FLOT2: variants seen among roughly 807,000 people sequenced by gnomAD.
FLOT2 encodes flotillin-2.
FLOT2 carries 35 observed loss-of-function variants against 54.9 expected under a neutral mutation model. The observed-to-expected ratio is 0.64, with a 90% CI of 0.49 to 0.84. The LOEUF (loss-of-function observed/expected upper bound fraction) is 0.84. Ranked by LOEUF, FLOT2 falls within the 40% of genes least tolerant of loss-of-function variation. The pLI is 0.00. For missense variants in FLOT2, 464 were observed against 572.1 expected (o/e 0.81, Z 1.93); for synonymous variants, 207 against 228.9 (o/e 0.90, Z 0.86).
At chr17:28,886,099 C>A in intron 2 of FLOT2, 1 of 661,434 alleles carries the variant, frequency 1.5e-6, no homozygotes, top group South Asian at 1.7e-5. Context: ...CCCCAACTGC[C>A]AGCTCAGCCG....
chr17:28,892,165 T>G (rs1189707082), intron 1 of FLOT2, among the ~76,000 whole-genome samples: 4 of 151,986 alleles, frequency 2.6e-5, no homozygotes, highest in African/African-American at 9.7e-5. Context: ...ACCCAAACCA[T>G]CTCAGGATCA....
Position 28,880,605 on chromosome 17 carries a change from A to G in FLOT2, c.1249-6T>C. 1.6e-5 allele frequency: 26 copies of G among 1,614,114 alleles called. No homozygotes were observed. The highest frequency in any genetic ancestry group is 2.2e-5 in the Non-Finnish European group (26 of 1,180,010). The stretch of plus-strand genomic sequence containing the variant: ...GCCTTCTTGATCAGGGGTATCTGCA[A>G]GGATGGGAGATGCCATGAGACCTTG... On this transcript the variant is annotated splice_polypyrimidine_tract_variant and splice_region_variant and intron_variant, in intron 10 of 10. Transcript: ENST00000394908.
intron 8 of FLOT2, among the ~76,000 whole-genome samples, chr17:28,881,593 G>A (rs184479088): frequency 3.3e-5 from 5 of 152,326 alleles, no homozygotes; most frequent in Non-Finnish European, 7.4e-5. Flanking sequence ...TGCCGTCTAT[G>A]CCCAAGCACT....
chr17:28,879,513 T>C lies in FLOT2; in HGVS notation c.*1048A>G, dbSNP rs2039413347. 1 of 986,010 alleles carries C rather than the reference T, an allele frequency of 1.0e-6. No individual in the cohort carries two copies. Among genetic ancestry groups the C allele is most frequent in the Non-Finnish European group, 1.2e-6 (1 of 830,078 alleles). 61.1% of individuals were successfully genotyped at this position (986,010 alleles called of 1,614,324 possible). A position where few individuals can be genotyped will look rare whatever the true frequency, so the allele number is the denominator to read the frequency against. ...ATTCACAGCACCCCTGCCAAGACGC[T>C]TGGGTCCTGGGCTCTTCTGCCTCCA... On this transcript the variant is annotated 3_prime_UTR_variant, in exon 11 of 11. Coordinates refer to ENST00000394908, the MANE Select transcript of FLOT2 (RefSeq NM_004475.3).
chr17:28,881,458 A>C, intron 8 of FLOT2, 83 bp from the exon 9 acceptor site: 13 of 1,377,672 alleles, frequency 9.4e-6, no homozygotes, highest in Non-Finnish European at 1.2e-5. Context: ...AAACCTTCAA[A>C]CCCTCTGCTC....
rs1057238273 is a variant in FLOT2 at position 28,879,443 on chromosome 17, C to T, written c.*1118G>A. 1 of 987,952 alleles carries T rather than the reference C, an allele frequency of 1.0e-6. No homozygotes were observed. Among genetic ancestry groups the T allele is most frequent in the African/African-American group, 1.7e-5 (1 of 57,288 alleles). The allele number at this position is 987,952 out of a possible 1,614,324, so 61.2% of individuals were successfully genotyped here. Reference sequence around the variant, plus strand: ...CAGCATCCACATGCAGGAAGAGCTACACAGGCTGGGGCAGGGCCAGGGTGG... The same window carrying T: ...CAGCATCCACATGCAGGAAGAGCTATACAGGCTGGGGCAGGGCCAGGGTGG... On this transcript the variant is annotated 3_prime_UTR_variant, in exon 11 of 11. Transcript: ENST00000394908.
chr17:28,889,976 A>G (rs1432186880), intron 1 of FLOT2, among the ~76,000 whole-genome samples: 1 of 152,102 alleles, frequency 6.6e-6, no homozygotes, highest in African/African-American at 2.4e-5. Context: ...ATAAACAAGT[A>G]TGCCCTGGAG....
Position 28,882,937 on chromosome 17 carries a change from C to CTACCTCTCTACCT in FLOT2, c.346+170_346+171insAGGTAGAGAGGTA. On this transcript the variant is annotated intron_variant, in intron 4 of 10. Coordinates refer to ENST00000394908, the MANE Select transcript of FLOT2 (RefSeq NM_004475.3). This position sits in a 1 kb window ranked among gnomAD's most constrained non-coding sequence, Gnocchi z 5.6. ...CGACAGCCCCCATCCCACCCCTTCA[C>CTACCTCTCTACCT]TCATACCCTCTCCTTAACTCAAGTC... 1 of 712,200 alleles carries CTACCTCTCTACCT rather than the reference C, an allele frequency of 1.4e-6. No individual in the cohort carries two copies. Among genetic ancestry groups the CTACCTCTCTACCT allele is most frequent in the Non-Finnish European group, 2.3e-6 (1 of 434,814 alleles). 44.1% of individuals were successfully genotyped at this position (712,200 alleles called of 1,614,324 possible).
intron 2 of FLOT2, among the ~76,000 whole-genome samples, chr17:28,887,373 G>C (rs2039567445): frequency 6.6e-6 from 1 of 152,186 alleles, no homozygotes; most frequent in South Asian, 2.1e-4. Flanking sequence ...TAGGGAAGAG[G>C]CTGCCCCCCA....
chr17:28,884,598 G>A lies in FLOT2; in HGVS notation c.132-283C>T, dbSNP rs1212425610. ...GAAGTAGAAAGAAGTGGTTGTGGGT[G>A]GTCGGGGGCTGTTGGTCAGGGGAGA... On this transcript the variant is annotated intron_variant, in intron 2 of 10. Transcript: ENST00000394908. This position sits in a 1 kb window ranked among gnomAD's most constrained non-coding sequence, Gnocchi z 5.1. Among the ~76,000 whole-genome samples, 1 of 152,208 alleles carries A rather than the reference G, an allele frequency of 6.6e-6. No individual in the cohort carries two copies. Among genetic ancestry groups the A allele is most frequent in the Non-Finnish European group, 1.5e-5 (1 of 68,032 alleles).
chr17:28,895,065 C>T (rs1030532049), intron 1 of FLOT2, among the ~76,000 whole-genome samples: 1 of 151,456 alleles, frequency 6.6e-6, no homozygotes, highest in African/African-American at 2.4e-5. Flanking sequence ...GTATGTGCCA[C>T]CACTCCTGGC....
At position 28,884,103 on chromosome 17, in the gene FLOT2, T is replaced by C. The variant is rs966756413; in HGVS notation, c.222+122A>G. On this transcript the variant is annotated intron_variant, in intron 3 of 10. Coordinates refer to ENST00000394908, the MANE Select transcript of FLOT2 (RefSeq NM_004475.3). This position sits in a 1 kb window ranked among gnomAD's most constrained non-coding sequence, Gnocchi z 5.1. ...CTGACTAGCCCTCTCTTGTGGGACTTGCGGGGGCTGGGGTGCTGGAGAGAG... is the reference window on the plus strand; with the variant it reads ...CTGACTAGCCCTCTCTTGTGGGACTCGCGGGGGCTGGGGTGCTGGAGAGAG... 41 of 772,102 alleles carry C rather than the reference T, an allele frequency of 5.3e-5. 1 individual carries two copies. In the African/African-American group the frequency reaches 6.6e-4, roughly 12 times the overall value. The allele number at this position is 772,102 out of a possible 1,614,324, so 47.8% of individuals were successfully genotyped here. A position where few individuals can be genotyped will look rare whatever the true frequency, so the allele number is the denominator to read the frequency against.
intron 9 of FLOT2, 133 bp from the exon 10 acceptor site, chr17:28,880,995 G>A: frequency 8.1e-7 from 1 of 1,228,808 alleles, no homozygotes; most frequent in Non-Finnish European, 1.2e-6. Context: ...CTCGAGCCAT[G>A]GTAAGAGACG....
At chr17:28,890,665 C>T (rs574532505) in intron 1 of FLOT2, among the ~76,000 whole-genome samples, 9 of 152,146 alleles carry the variant, frequency 5.9e-5, no homozygotes, top group Non-Finnish European at 1.2e-4. Flanking sequence ...GGATTACAGG[C>T]GTGAGCCACT....
intron 1 of FLOT2, among the ~76,000 whole-genome samples, chr17:28,894,616 C>CT (rs34266130): frequency 0.021 from 1,019 of 47,422 alleles, 102 homozygotes; most frequent in African/African-American, 0.068. Context: ...AGAGCAAGAC[C>CT]TTTTTTTTTT....
At chr17:28,889,094 T>C in intron 1 of FLOT2, 68 bp from the exon 2 acceptor site, 3 of 1,363,458 alleles carry the variant, frequency 2.2e-6, no homozygotes, top group Non-Finnish European at 3.1e-6. Context: ...AGCCCACTGA[T>C]AGCAACTTTT....
Position 28,879,917 on chromosome 17 carries a change from G to A in FLOT2, c.*644C>T, listed in dbSNP as rs2039419035. The A allele has an allele frequency of 2.0e-6, 2 of 986,096 alleles. No individual in the cohort carries two copies. Among genetic ancestry groups the A allele is most frequent in the Non-Finnish European group, 2.4e-6 (2 of 830,284 alleles). 61.1% of individuals were successfully genotyped at this position (986,096 alleles called of 1,614,324 possible). A position where few individuals can be genotyped will look rare whatever the true frequency, so the allele number is the denominator to read the frequency against. The stretch of plus-strand genomic sequence containing the variant: ...GCTGTAGACAGGAGGCCTTGCCTCT[G>A]TGCCCTTGGGGTCAGGGAGAAAGGA... On this transcript the variant is annotated 3_prime_UTR_variant, in exon 11 of 11. Transcript: ENST00000394908.
chr17:28,881,487 G>A (rs988599588), intron 8 of FLOT2, 112 bp from the exon 9 acceptor site: 14 of 1,154,678 alleles, frequency 1.2e-5, no homozygotes, highest in Middle Eastern at 2.4e-4. Context: ...GTCGGGGTGG[G>A]AGACATTGGA....
At chr17:28,891,550 A>G (rs1396624502) in intron 1 of FLOT2, among the ~76,000 whole-genome samples, 1 of 152,222 alleles carries the variant, frequency 6.6e-6, no homozygotes, top group East Asian at 1.9e-4. Flanking sequence ...TATCCATGAC[A>G]ACTTTCTGTG....
Sources: allele counts gnomAD v4.1 joint callset (sites outside exome capture counted in the v4.1 genomes callset), GRCh38; gene constraint gnomAD v4.1.1; non-coding constraint Gnocchi (gnomAD v3.1); transcripts MANE v1.5; gene names NCBI Gene and HGNC (gene_info 2026-07-23, HGNC 2026-07-21).